PC: variants seen among roughly 807,000 people sequenced by gnomAD.
The protein encoded by PC is pyruvate carboxylase, mitochondrial.
In PC, 46 loss-of-function variants were observed where a neutral mutation model predicts 107.8. That is an observed-to-expected ratio of 0.43 (90% CI 0.34 to 0.55). PC has a LOEUF of 0.55. Ranked by LOEUF, PC falls within the 20% of genes least tolerant of loss-of-function variation. PC has a pLI of 0.04. For missense variants in PC, 1,241 were observed against 1,643.1 expected, an observed-to-expected ratio of 0.76 and a Z score of 4.23; for synonymous variants, 662 against 684.7, an observed-to-expected ratio of 0.97 and a Z score of 0.52.
At chr11:66,869,735 C>T (rs866453826) in intron 9 of PC, among the ~76,000 whole-genome samples, 11 of 152,316 alleles carry the variant, frequency 7.2e-5, no homozygotes, top group Admixed American at 5.2e-4. Flanking sequence ...GCACACCTGG[C>T]CACAGCAGGT....
chr11:66,871,597 G>A lies in PC; in HGVS notation c.321+90C>T. ...TCCGTTTACCCACCCACGCACAGAG[G>A]CGCTGAGCACGCCAGCCTCAAGAGA... On this transcript the variant is annotated intron_variant, in intron 5 of 22. Coordinates refer to ENST00000393960, the MANE Select transcript of PC (RefSeq NM_001040716.2). The surrounding 1 kb of genome is among the most constrained non-coding windows in gnomAD (Gnocchi z 7.4). 1 of 1,574,768 alleles carries A rather than the reference G, an allele frequency of 6.4e-7. No individual in the cohort carries two copies. The highest frequency in any genetic ancestry group is 8.7e-7 in the Non-Finnish European group (1 of 1,151,092).
chr11:66,910,387 C>T (rs1449192840), intron 3 of PC, among the ~76,000 whole-genome samples: 1 of 152,170 alleles, frequency 6.6e-6, no homozygotes, highest in Non-Finnish European at 1.5e-5. Context: ...CCTTGGTCCC[C>T]CATTCTCCTC....
At chr11:66,854,603 T>C (rs1435102742) in intron 12 of PC, among the ~76,000 whole-genome samples, 1 of 152,204 alleles carries the variant, frequency 6.6e-6, no homozygotes, top group Admixed American at 6.5e-5. Context: ...TGTGAAAGCA[T>C]GGCCTGTGGC....
chr11:66,864,927 G>A (rs1946427890), intron 11 of PC, among the ~76,000 whole-genome samples: 2 of 152,246 alleles, frequency 1.3e-5, no homozygotes, highest in Admixed American at 1.3e-4. Flanking sequence ...CCGCTTCTCG[G>A]GGGCAGAGGC....
intron 3 of PC, among the ~76,000 whole-genome samples, chr11:66,948,057 A>G (rs1949346707): frequency 6.7e-6 from 1 of 149,948 alleles, no homozygotes. Context: ...ATAGATAGAT[A>G]GATAGATATG....
chr11:66,857,412 C>A lies in PC; in HGVS notation c.1369-4029G>T, dbSNP rs992512425. ...GAGGGTATGGCGGGGAGTGGGGAGG[C>A]GGCTGGCGATTCCTGGGGACGCCTG... On this transcript the variant is annotated intron_variant, in intron 12 of 22. Coordinates refer to ENST00000393960, the MANE Select transcript of PC (RefSeq NM_001040716.2). This position sits in a 1 kb window ranked among gnomAD's most constrained non-coding sequence, Gnocchi z 7.1. 2.9e-4 allele frequency: 87 copies of A among 297,462 alleles called. 1 individual carries two copies. The South Asian group carries it at 8.5e-3, about 29-fold the overall frequency. The allele number at this position is 297,462 out of a possible 1,614,324, so 18.4% of individuals were successfully genotyped here.
rs1421591895 is a variant in PC, at chr11:66,857,733, A to T, written c.1369-4350T>A. ...TGCCTGGGCTGTGGCCCCTTCCTAC[A>T]GGGCGCTCACCATGGCCCCGCCGCT... On this transcript the variant is annotated intron_variant, in intron 12 of 22. Coordinates refer to ENST00000393960, the MANE Select transcript of PC (RefSeq NM_001040716.2). The surrounding 1 kb of genome is among the most constrained non-coding windows in gnomAD (Gnocchi z 7.1). The T allele has an allele frequency of 1.3e-6, 2 of 1,583,664 alleles. No individual in the cohort carries two copies. Among genetic ancestry groups the T allele is most frequent in the Non-Finnish European group, 1.7e-6 (2 of 1,171,024 alleles).
chr11:66,932,747 C>G (rs1409296210), intron 3 of PC, among the ~76,000 whole-genome samples: 1 of 152,166 alleles, frequency 6.6e-6, no homozygotes. Flanking sequence ...AAGCCAGATA[C>G]AGGACCAGAC....
intron 10 of PC, 79 bp downstream of exon 10, chr11:66,868,766 GC>G: frequency 9.2e-7 from 1 of 1,082,656 alleles, no homozygotes; most frequent in African/African-American, 1.5e-5. Context: ...CCCCTGGCTG[GC>G]CCCAGGAGCC....
chr11:66,859,955 C>G, intron 12 of PC: 6 of 1,600,648 alleles, frequency 3.7e-6, no homozygotes, highest in Non-Finnish European at 5.1e-6. Context: ...TCAGCCACGT[C>G]CAGTCCCAGA....
At chr11:66,929,876 C>T (rs1420742989) in intron 3 of PC, among the ~76,000 whole-genome samples, 1 of 152,142 alleles carries the variant, frequency 6.6e-6, no homozygotes, top group South Asian at 2.1e-4. Context: ...AACATTCAGG[C>T]TAAAACCCTA....
rs1945945133 is a variant in PC, at chr11:66,857,636, G to A, written c.1369-4253C>T. On this transcript the variant is annotated intron_variant, in intron 12 of 22. Coordinates refer to ENST00000393960, the MANE Select transcript of PC (RefSeq NM_001040716.2). This position sits in a 1 kb window ranked among gnomAD's most constrained non-coding sequence, Gnocchi z 7.1. Reference sequence around the variant, plus strand: ...TGGGCCTCTGACCCAGCCCCTCCCCGGGCCAGGCTCACAGAAGCTGGCTTC... The same window carrying A: ...TGGGCCTCTGACCCAGCCCCTCCCCAGGCCAGGCTCACAGAAGCTGGCTTC... 1 of 1,281,496 alleles carries A rather than the reference G, an allele frequency of 7.8e-7. No homozygotes were observed. Among genetic ancestry groups the A allele is most frequent in the South Asian group, 1.5e-5 (1 of 65,100 alleles). The allele number at this position is 1,281,496 out of a possible 1,614,324, so 79.4% of individuals were successfully genotyped here. A position where few individuals can be genotyped will look rare whatever the true frequency, so the allele number is the denominator to read the frequency against.
At chr11:66,935,101 TCCAGTAAGGAGCTGTGCATAGC>T (rs1948963058) in intron 3 of PC, among the ~76,000 whole-genome samples, 1 of 152,218 alleles carries the variant, frequency 6.6e-6, no homozygotes, top group Non-Finnish European at 1.5e-5. Flanking sequence ...CCTCACAGCA[TCCAGTAAGGAGCTGTGCATAGC>T]ACAGATGCAC....
At chr11:66,943,511 CGGATCATGA>C (rs1245658104) in intron 3 of PC, among the ~76,000 whole-genome samples, 1 of 151,052 alleles carries the variant, frequency 6.6e-6, no homozygotes, top group African/African-American at 2.4e-5. Flanking sequence ...GGCCGAGGCC[CGGATCATGA>C]GGATCATGAG....
intron 3 of PC, among the ~76,000 whole-genome samples, chr11:66,940,009 A>C (rs1056887073): frequency 1.3e-5 from 2 of 152,100 alleles, no homozygotes; most frequent in Non-Finnish European, 2.9e-5. Flanking sequence ...CTTGGATACA[A>C]CACCAAAGGC....
At chr11:66,933,115 G>A (rs372719542) in intron 3 of PC, among the ~76,000 whole-genome samples, 3 of 151,858 alleles carry the variant, frequency 2.0e-5, no homozygotes, top group Non-Finnish European at 4.4e-5. Context: ...CACCTATCCC[G>A]CCCTGGAAGC....
chr11:66,853,208 G>GAGGGCAGGGC (rs761126120), intron 13 of PC, 31 bp downstream of exon 13: 28 of 1,608,578 alleles, frequency 1.7e-5, no homozygotes, highest in Middle Eastern at 1.7e-4. Context: ...GAGGGGAGGG[G>GAGGGCAGGGC]AGGGCAGGGC....
At chr11:66,941,170 T>C (rs970167380) in intron 3 of PC, among the ~76,000 whole-genome samples, 2 of 150,894 alleles carry the variant, frequency 1.3e-5, no homozygotes, top group Admixed American at 6.6e-5. Flanking sequence ...CTCATACCCA[T>C]TGGGATGGCT....
chr11:66,859,545 A>T (rs1464835381), intron 12 of PC: 6 of 1,565,422 alleles, frequency 3.8e-6, no homozygotes, highest in Non-Finnish European at 5.2e-6. Context: ...CCCCAGGGGG[A>T]GGGGTGTTTG....
Sources: allele counts gnomAD v4.1 joint callset (sites outside exome capture counted in the v4.1 genomes callset), GRCh38; gene constraint gnomAD v4.1.1; non-coding constraint Gnocchi (gnomAD v3.1); transcripts MANE v1.5; gene names NCBI Gene and HGNC (gene_info 2026-07-23, HGNC 2026-07-21).